Variants in SVOPL observed in about 807,000 individuals in gnomAD.
SVOPL encodes SVOP like, also known as putative transporter SVOPL.
A neutral mutation model predicts 61.0 loss-of-function variants in SVOPL; 60 were observed. The observed-to-expected ratio is 0.98, with a 90% CI of 0.80 to 1.22. The LOEUF is 1.22. SVOPL is among the 50% of genes most tolerant of loss of function. The pLI, the probability that SVOPL is intolerant of heterozygous loss-of-function variation, is 0.00. For synonymous variants in SVOPL, 279 were observed against 250.0 expected (o/e 1.12, Z -1.09); for missense variants, 662 against 643.9 (o/e 1.03, Z -0.30).
intron 1 of SVOPL, among the ~76,000 whole-genome samples, chr7:138,682,870 A>G (rs1802728038): frequency 6.7e-6 from 1 of 150,352 alleles, no homozygotes; most frequent in African/African-American, 2.5e-5. Flanking sequence ...CGGGAGGCTG[A>G]GGCACAAGAG....
At chr7:138,694,825 G>A (rs998266385) in intron 1 of SVOPL, among the ~76,000 whole-genome samples, 5 of 151,844 alleles carry the variant, frequency 3.3e-5, no homozygotes, top group Non-Finnish European at 5.9e-5. Context: ...TGCAACCTCC[G>A]CCTCCTGGGT....
At chr7:138,631,989 C>CACACACACACACACACACACAT (rs1206290337) in intron 9 of SVOPL, among the ~76,000 whole-genome samples, 1 of 152,026 alleles carries the variant, frequency 6.6e-6, no homozygotes, top group African/African-American at 2.4e-5. Context: ...CACACATACA[C>CACACACACACACACACACACAT]ACACCCCTAC....
intron 10 of SVOPL, among the ~76,000 whole-genome samples, chr7:138,629,414 G>T (rs1800068901): frequency 6.6e-6 from 1 of 151,744 alleles, no homozygotes; most frequent in Non-Finnish European, 1.5e-5. Context: ...TGTATTTTTA[G>T]TGGAAACAGG....
chr7:138,685,865 G>C (rs1224090816), intron 1 of SVOPL, among the ~76,000 whole-genome samples: 1 of 139,208 alleles, frequency 7.2e-6, no homozygotes, highest in African/African-American at 2.9e-5. Flanking sequence ...GAGCAAGACT[G>C]TCTCAAAAAA....
At chr7:138,670,372 G>T (rs943092003) in intron 4 of SVOPL, among the ~76,000 whole-genome samples, 15 of 152,134 alleles carry the variant, frequency 9.9e-5, no homozygotes, top group African/African-American at 3.6e-4. Context: ...CACACGATTT[G>T]CGACTTCCCC....
At chr7:138,649,217 T>C (rs1284123730) in intron 7 of SVOPL, 80 bp from the exon 8 acceptor site, 4 of 1,478,888 alleles carry the variant, frequency 2.7e-6, no homozygotes, top group Non-Finnish European at 3.6e-6. Flanking sequence ...TATATATTTT[T>C]AGAAAGATTA....
At chr7:138,676,822 TGCTC>T (rs1802572483) in intron 3 of SVOPL, among the ~76,000 whole-genome samples, 1 of 151,904 alleles carries the variant, frequency 6.6e-6, no homozygotes, top group African/African-American at 2.4e-5. Flanking sequence ...TAGACACAAA[TGCTC>T]ACTTGCTTTA....
chr7:138,662,479 A>T (rs1011941908), intron 5 of SVOPL: 3 of 985,408 alleles, frequency 3.0e-6, no homozygotes, highest in Admixed American at 6.1e-5. Context: ...CTCATGACAC[A>T]TAGTCCTGAA....
intron 2 of SVOPL, 106 bp from the exon 3 acceptor site, chr7:138,678,631 A>C: frequency 9.0e-7 from 1 of 1,110,214 alleles, no homozygotes; most frequent in Non-Finnish European, 1.3e-6. Context: ...ACAAGTTAAT[A>C]CGGGGGGTCA....
chr7:138,607,649 A>G (rs1248274312), intron 14 of SVOPL, among the ~76,000 whole-genome samples: 1 of 152,122 alleles, frequency 6.6e-6, no homozygotes, highest in African/African-American at 2.4e-5. Flanking sequence ...AGCTTGGAGG[A>G]GGTGAAGGAA....
intron 9 of SVOPL, 71 bp downstream of exon 9, chr7:138,644,646 G>GCCTT: frequency 1.9e-6 from 3 of 1,570,948 alleles, no homozygotes; most frequent in Non-Finnish European, 1.7e-6. Flanking sequence ...CCTCCCTCCA[G>GCCTT]CCTTCCACAA....
intron 8 of SVOPL, among the ~76,000 whole-genome samples, chr7:138,648,719 C>G (rs1307475841): frequency 6.6e-6 from 1 of 150,576 alleles, no homozygotes; most frequent in African/African-American, 2.4e-5. Context: ...GCACTCCAGC[C>G]GAGGTCGCGG....
At chr7:138,640,542 A>G (rs1164975766) in intron 9 of SVOPL, among the ~76,000 whole-genome samples, 1 of 152,166 alleles carries the variant, frequency 6.6e-6, no homozygotes, top group African/African-American at 2.4e-5. Context: ...GAGCCACTGC[A>G]CCCAGCTTTT....
chr7:138,685,546 G>A (rs1333772281), intron 1 of SVOPL, among the ~76,000 whole-genome samples: 2 of 152,072 alleles, frequency 1.3e-5, no homozygotes, highest in Non-Finnish European at 2.9e-5. Context: ...TTAACAATAT[G>A]GTATCATGCG....
At chr7:138,613,342 A>C (rs537164457) in intron 14 of SVOPL, among the ~76,000 whole-genome samples, 1 of 152,164 alleles carries the variant, frequency 6.6e-6, no homozygotes, top group African/African-American at 2.4e-5. Flanking sequence ...TTAAAAAACA[A>C]AACTGATCAT....
chr7:138,675,695 G>A (rs1802541873), intron 3 of SVOPL, among the ~76,000 whole-genome samples: 1 of 151,906 alleles, frequency 6.6e-6, no homozygotes. Context: ...GTTTGGGGAG[G>A]GTCAGATCCC....
chr7:138,670,657 G>A (rs1802391634), intron 4 of SVOPL, among the ~76,000 whole-genome samples: 2 of 152,180 alleles, frequency 1.3e-5, no homozygotes, highest in African/African-American at 4.8e-5. Context: ...TTTTCAGGGA[G>A]GCTGATACAA....
rs201355698 is a variant in SVOPL, at chr7:138,696,293, T to C, written c.-35+4885A>G. On this transcript the variant is annotated intron_variant, in intron 1 of 15. Coordinates refer to ENST00000674285, the MANE Select transcript of SVOPL (RefSeq NM_001139456.2). Reference sequence around the variant, plus strand: ...AGGCTGGAGTGCAGTAGCATGAACATGGCTCACTACAGCCTCAACCTCCTC... The same window carrying C: ...AGGCTGGAGTGCAGTAGCATGAACACGGCTCACTACAGCCTCAACCTCCTC... Among the ~76,000 whole-genome samples, 17 of 152,108 alleles carry C rather than the reference T, an allele frequency of 1.1e-4. No homozygotes were observed. The East Asian group carries it at 3.1e-3, about 28-fold the overall frequency.
chr7:138,660,884 T>C lies in SVOPL; in HGVS notation c.346-896A>G, dbSNP rs1801971439. ...TACTTGCAAGTCATGAAAATGTCCA[T>C]TTCAACGGTGCAGGACTCTTTAAGG... On this transcript the variant is annotated intron_variant, in intron 5 of 15. Transcript: ENST00000674285. 5 of 985,206 alleles carry C rather than the reference T, an allele frequency of 5.1e-6. No homozygotes were observed. In the African/African-American group the frequency reaches 7.0e-5, roughly 14 times the overall value. The allele number at this position is 985,206 out of a possible 1,614,324, so 61.0% of individuals were successfully genotyped here. A position where few individuals can be genotyped will look rare whatever the true frequency, so the allele number is the denominator to read the frequency against.
Sources: allele counts gnomAD v4.1 joint callset (sites outside exome capture counted in the v4.1 genomes callset), GRCh38; gene constraint gnomAD v4.1.1; transcripts MANE v1.5; gene names NCBI Gene and HGNC (gene_info 2026-07-23, HGNC 2026-07-21).